Variants in PHACTR2 observed in about 807,000 individuals in gnomAD.
The protein encoded by PHACTR2 is phosphatase and actin regulator 2.
In PHACTR2, 30 loss-of-function variants were observed where a neutral mutation model predicts 76.0. That is an observed-to-expected ratio of 0.39 (90% CI 0.30 to 0.54). The LOEUF (loss-of-function observed/expected upper bound fraction) is 0.54, where lower values mean the gene tolerates loss of function less well. PHACTR2 is among the 20% of genes least tolerant of loss of function. PHACTR2 has a pLI of 0.61. For synonymous variants in PHACTR2, 292 were observed against 292.5 expected, an observed-to-expected ratio of 1.00 and a Z score of 0.02; for missense variants, 696 against 781.1, an observed-to-expected ratio of 0.89 and a Z score of 1.30.
intron 2 of PHACTR2, among the ~76,000 whole-genome samples, chr6:143,748,735 C>T (rs116456084): frequency 0.012 from 1,806 of 152,268 alleles, 34 homozygotes; most frequent in African/African-American, 0.041. Context: ...TATGCCTGGA[C>T]GCCAGGCCAA....
intron 1 of PHACTR2, among the ~76,000 whole-genome samples, chr6:143,699,630 A>G (rs1056578461): frequency 1.3e-5 from 2 of 152,136 alleles, no homozygotes; most frequent in African/African-American, 4.8e-5. Context: ...CCTGAAGTTC[A>G]TGGTGCCTGA....
intron 2 of PHACTR2, among the ~76,000 whole-genome samples, chr6:143,720,031 C>T (rs1270546993): frequency 1.3e-5 from 2 of 151,424 alleles, no homozygotes; most frequent in Admixed American, 6.6e-5. Flanking sequence ...AGGCTGGTCT[C>T]AAACTCCTGA....
chr6:143,807,193 T>C lies in PHACTR2; in HGVS notation c.1922+60T>C. 1.0e-6 allele frequency: 1 copy of C among 978,744 alleles called. No individual in the cohort carries two copies. Among genetic ancestry groups the C allele is most frequent in the South Asian group, 1.4e-5 (1 of 70,160 alleles). The allele number at this position is 978,744 out of a possible 1,614,324, so 60.6% of individuals were successfully genotyped here. A position where few individuals can be genotyped will look rare whatever the true frequency, so the allele number is the denominator to read the frequency against. ...GCTTAAGATGTGATCCCATGTTGAG[T>C]TGGTTAAAAAAAGAAATTGCTTACA... On this transcript the variant is annotated intron_variant, in intron 12 of 12. Coordinates refer to ENST00000440869, the MANE Select transcript of PHACTR2 (RefSeq NM_001100164.2). This position sits in a 1 kb window ranked among gnomAD's most constrained non-coding sequence, Gnocchi z 5.5.
At position 143,602,193 on chromosome 6, in the gene PHACTR2, C is replaced by T. The variant is rs1264993165; in HGVS notation, c.217+64986C>T. ...TTTATGGTTTTGAAGTCATCTCCACCTTGTCCCTCTAACCTTCCCATCTAG... is the reference window on the plus strand; with the variant it reads ...TTTATGGTTTTGAAGTCATCTCCACTTTGTCCCTCTAACCTTCCCATCTAG... On this transcript the variant is annotated intron_variant, in intron 1 of 11. Transcript: ENST00000367584. This position sits in a 1 kb window ranked among gnomAD's most constrained non-coding sequence, Gnocchi z 6.1. Among the ~76,000 whole-genome samples the T allele has an allele frequency of 6.6e-6, 1 of 152,178 alleles. No individual in the cohort carries two copies. The highest frequency in any genetic ancestry group is 2.4e-5 in the African/African-American group (1 of 41,422).
At chr6:143,614,108 G>A (rs1776023480) in intron 1 of PHACTR2, among the ~76,000 whole-genome samples, 1 of 152,114 alleles carries the variant, frequency 6.6e-6, no homozygotes, top group Non-Finnish European at 1.5e-5. Flanking sequence ...TGTAGTTCCA[G>A]CTACTTGGAT....
At chr6:143,551,185 T>C (rs1775090054) in intron 1 of PHACTR2, among the ~76,000 whole-genome samples, 1 of 151,994 alleles carries the variant, frequency 6.6e-6, no homozygotes, top group Admixed American at 6.6e-5. Flanking sequence ...CCCCCTTATC[T>C]ATGGGGGATT....
intron 1 of PHACTR2, among the ~76,000 whole-genome samples, chr6:143,703,976 C>A (rs1330993585): frequency 6.6e-6 from 1 of 151,956 alleles, no homozygotes; most frequent in Non-Finnish European, 1.5e-5. Flanking sequence ...TATCATATGT[C>A]TCTGATGAAC....
chr6:143,663,250 A>G lies in PHACTR2; in HGVS notation c.14-48766A>G, dbSNP rs886136066. 1.3e-5 allele frequency among the ~76,000 whole-genome samples: 2 copies of G among 152,166 alleles called. No individual in the cohort carries two copies. Among genetic ancestry groups the G allele is most frequent in the African/African-American group, 4.8e-5 (2 of 41,450 alleles). ...CCCAGTAATGATATTTTTGGGTCAC[A>G]TGGTAACTCTGTTTTAAGTTCTTCC... On this transcript the variant is annotated intron_variant, in intron 1 of 11. Coordinates refer to the PHACTR2 transcript ENST00000305766. The surrounding 1 kb of genome is among the most constrained non-coding windows in gnomAD (Gnocchi z 4.1).
rs1167302040 is a variant in PHACTR2 at position 143,791,590 on chromosome 6, A to T, written c.1845+2680A>T. 6.6e-6 allele frequency among the ~76,000 whole-genome samples: 1 copy of T among 152,182 alleles called. No homozygotes were observed. The highest frequency in any genetic ancestry group is 1.5e-5 in the Non-Finnish European group (1 of 68,030). ...GGTGTGCAAATTTTCCTGTAAGATC[A>T]ATCTTGCTAGTTCTATTCAGATTTC... On this transcript the variant is annotated intron_variant, in intron 11 of 12. Coordinates refer to ENST00000440869, the MANE Select transcript of PHACTR2 (RefSeq NM_001100164.2). The surrounding 1 kb of genome is among the most constrained non-coding windows in gnomAD (Gnocchi z 4.7).
rs531302048 is a variant in PHACTR2 at position 143,705,076 on chromosome 6, C to T, written c.47-6940C>T. On this transcript the variant is annotated intron_variant, in intron 1 of 12. Transcript: ENST00000440869. ...TCCTGACCTTGTGATCTGCCTGCCT[C>T]GGCCTCCCAAATTGCTGGGATTACA... Among the ~76,000 whole-genome samples, 254 of 151,984 alleles carry T rather than the reference C, an allele frequency of 1.7e-3. 1 individual carries two copies. Among genetic ancestry groups the T allele is most frequent in the African/African-American group, 5.6e-3 (232 of 41,460 alleles).
At chr6:143,805,477 C>G (rs747194433) in intron 11 of PHACTR2, among the ~76,000 whole-genome samples, 1 of 74,942 alleles carries the variant, frequency 1.3e-5, no homozygotes, top group Middle Eastern at 7.7e-3. Context: ...GAAACTCCGT[C>G]TCAAAAAAAA....
rs1409063268 is a variant in PHACTR2 at position 143,599,438 on chromosome 6, A to G, written c.217+62231A>G. ...ACTTATCTGGTCATGTATTTATTCT[A>G]GAAACAATTGTTGAGTACTCAGTAG... On this transcript the variant is annotated intron_variant, in intron 1 of 11. Transcript: ENST00000367584. The surrounding 1 kb of genome is among the most constrained non-coding windows in gnomAD (Gnocchi z 4.6). Among the ~76,000 whole-genome samples, 1 of 152,204 alleles carries G rather than the reference A, an allele frequency of 6.6e-6. No homozygotes were observed. Among genetic ancestry groups the G allele is most frequent in the African/African-American group, 2.4e-5 (1 of 41,458 alleles).
At chr6:143,560,892 T>TGTG (rs72229104) in intron 1 of PHACTR2, among the ~76,000 whole-genome samples, 1 of 148,316 alleles carries the variant, frequency 6.7e-6, no homozygotes, top group African/African-American at 2.5e-5. Flanking sequence ...GGTGTGTGTG[T>TGTG]GTGTGTGTGT....
chr6:143,779,692 G>A (rs1327322245), intron 9 of PHACTR2, among the ~76,000 whole-genome samples: 2 of 151,898 alleles, frequency 1.3e-5, no homozygotes, highest in East Asian at 3.9e-4. Context: ...CTAATTCACA[G>A]AATAAAACAT....
At chr6:143,735,841 A>G (rs1163506395) in intron 2 of PHACTR2, among the ~76,000 whole-genome samples, 2 of 152,194 alleles carry the variant, frequency 1.3e-5, no homozygotes, top group Non-Finnish European at 2.9e-5. Context: ...GGTAATTTCT[A>G]TATGTGTAGC....
chr6:143,746,715 T>C (rs1408220502), intron 2 of PHACTR2, among the ~76,000 whole-genome samples: 1 of 152,166 alleles, frequency 6.6e-6, no homozygotes, highest in Non-Finnish European at 1.5e-5. Flanking sequence ...CACCTGTCAC[T>C]GTGGGTGTTC....
chr6:143,747,155 G>A (rs1371692338), intron 2 of PHACTR2, among the ~76,000 whole-genome samples: 1 of 152,166 alleles, frequency 6.6e-6, no homozygotes, highest in Non-Finnish European at 1.5e-5. Flanking sequence ...TCAGGTTTTA[G>A]AGAAGGAGGA....
Position 143,621,390 on chromosome 6 carries a change from T to A in PHACTR2, c.13+13068T>A, listed in dbSNP as rs971490857. ...TCCTCGGTGCAGAAGGGCAAATCCT[T>A]CCCATAGTTCCTGCCTCTCTCTCTA... is the stretch of plus-strand genomic sequence containing the variant. On this transcript the variant is annotated intron_variant, in intron 1 of 11. Coordinates refer to the PHACTR2 transcript ENST00000305766. The surrounding 1 kb of genome is among the most constrained non-coding windows in gnomAD (Gnocchi z 4.1). Among the ~76,000 whole-genome samples the A allele has an allele frequency of 6.6e-6, 1 of 152,164 alleles. No homozygotes were observed. Among genetic ancestry groups the A allele is most frequent in the East Asian group, 1.9e-4 (1 of 5,196 alleles).
At position 143,753,197 on chromosome 6, in the gene PHACTR2, T is replaced by A. The variant is rs1351024655; in HGVS notation, c.296-557T>A. Reference sequence around the variant, plus strand: ...AAATAAAAATAGCCTTGCTATCATGTTTTCCCTGAACATAGAGTAGCAGTT... The same window carrying A: ...AAATAAAAATAGCCTTGCTATCATGATTTCCCTGAACATAGAGTAGCAGTT... On this transcript the variant is annotated intron_variant, in intron 3 of 12. Transcript: ENST00000440869. This position sits in a 1 kb window ranked among gnomAD's most constrained non-coding sequence, Gnocchi z 4.6. 1.3e-5 allele frequency among the ~76,000 whole-genome samples: 2 copies of A among 152,300 alleles called. No homozygotes were observed. Among genetic ancestry groups the A allele is most frequent in the East Asian group, 3.9e-4 (2 of 5,192 alleles).
Sources: allele counts gnomAD v4.1 joint callset (sites outside exome capture counted in the v4.1 genomes callset), GRCh38; gene constraint gnomAD v4.1.1; non-coding constraint Gnocchi (gnomAD v3.1); transcripts MANE v1.5; gene names NCBI Gene and HGNC (gene_info 2026-07-23, HGNC 2026-07-21).